NOS1AP: variants seen among roughly 807,000 people sequenced by gnomAD.
NOS1AP encodes nitric oxide synthase 1 adaptor protein.
A neutral mutation model predicts 56.2 loss-of-function variants in NOS1AP; 21 were observed. The observed-to-expected ratio is 0.37, with a 90% CI of 0.26 to 0.54. NOS1AP has a LOEUF of 0.54. Ranked by LOEUF, NOS1AP falls within the 20% of genes least tolerant of loss-of-function variation. The probability of loss-of-function intolerance (pLI) is 0.84; values close to 1 mark genes in which losing one functional copy is unlikely to be tolerated. For missense variants in NOS1AP, 522 were observed against 657.8 expected, an observed-to-expected ratio of 0.79 and a Z score of 2.26; for synonymous variants, 270 against 274.6, an observed-to-expected ratio of 0.98 and a Z score of 0.17.
intron 2 of NOS1AP, among the ~76,000 whole-genome samples, chr1:162,166,812 A>C (rs948406344): frequency 4.6e-5 from 7 of 152,168 alleles, no homozygotes; most frequent in Admixed American, 1.3e-4. Flanking sequence ...CCCAGTGGAC[A>C]CCTGTACCTC....
intron 3 of NOS1AP, among the ~76,000 whole-genome samples, chr1:162,298,892 TA>T (rs1655554862): frequency 6.6e-6 from 1 of 152,174 alleles, no homozygotes; most frequent in Non-Finnish European, 1.5e-5. Context: ...ATATAATAGC[TA>T]AAATAAACTC....
intron 2 of NOS1AP, among the ~76,000 whole-genome samples, chr1:162,198,046 G>T (rs1651865649): frequency 6.6e-6 from 1 of 152,224 alleles, no homozygotes; most frequent in Non-Finnish European, 1.5e-5. Flanking sequence ...GCCCGGCCTG[G>T]CTGTAGGAGG....
intron 2 of NOS1AP, among the ~76,000 whole-genome samples, chr1:162,174,001 T>G (rs1327638923): frequency 1.3e-5 from 2 of 152,150 alleles, no homozygotes; most frequent in Non-Finnish European, 2.9e-5. Context: ...ATCAGTGTGG[T>G]GATTCCTCAG....
intron 1 of NOS1AP, among the ~76,000 whole-genome samples, chr1:162,126,291 C>T (rs1376090087): frequency 6.6e-6 from 1 of 152,156 alleles, no homozygotes; most frequent in Non-Finnish European, 1.5e-5. Context: ...CCTGATTGCT[C>T]TGGCTGGGAC....
Position 162,335,688 on chromosome 1 carries a change from C to T in NOS1AP, c.453+2563C>T, listed in dbSNP as rs16860354. ...AGATGTGGGTGTTCTCCGGAGCCCTCGTGTTGGTCATAGTGTAGAAAAACC... is the reference window on the plus strand; with the variant it reads ...AGATGTGGGTGTTCTCCGGAGCCCTTGTGTTGGTCATAGTGTAGAAAAACC... On this transcript the variant is annotated intron_variant, in intron 5 of 9. Transcript: ENST00000361897. Among the ~76,000 whole-genome samples, 94 of 152,176 alleles carry T rather than the reference C, an allele frequency of 6.2e-4. 1 individual carries two copies. In the East Asian group the frequency reaches 0.012, roughly 19 times the overall value.
In NOS1AP at chr1:162,370,332, G is replaced by A. The variant is rs908163677; in HGVS notation, c.*2865G>A. ...CTTCCTCCTAACCCTCTACCCACTA[G>A]CACTCTACTTCCTAAAGCTGTTGTG... On this transcript the variant is annotated 3_prime_UTR_variant, in exon 10 of 10. Transcript: ENST00000361897. 1.3e-5 allele frequency: 2 copies of A among 152,034 alleles called. No homozygotes were observed. Among genetic ancestry groups the A allele is most frequent in the African/African-American group, 4.8e-5 (2 of 41,358 alleles). The allele number at this position is 152,034 out of a possible 1,614,324, so 9.4% of individuals were successfully genotyped here. A position where few individuals can be genotyped will look rare whatever the true frequency, so the allele number is the denominator to read the frequency against.
At chr1:162,105,519 A>G (rs1220659245) in intron 1 of NOS1AP, among the ~76,000 whole-genome samples, 1 of 152,226 alleles carries the variant, frequency 6.6e-6, no homozygotes. Flanking sequence ...TAAGTCTACC[A>G]AACTGCAGAG....
chr1:162,336,646 G>A (rs1195335641), intron 5 of NOS1AP, among the ~76,000 whole-genome samples: 2 of 152,216 alleles, frequency 1.3e-5, no homozygotes, highest in Non-Finnish European at 2.9e-5. Flanking sequence ...GTGAATCAAT[G>A]ATGCCACTGA....
intron 2 of NOS1AP, among the ~76,000 whole-genome samples, chr1:162,264,489 TCCTCC>T (rs1557855427): frequency 3.8e-4 from 22 of 57,258 alleles, no homozygotes; most frequent in African/African-American, 1.1e-3. Context: ...CCCTCCCCTC[TCCTCC>T]TCTCCTCTCC....
chr1:162,253,745 A>T (rs1051187249), intron 2 of NOS1AP, among the ~76,000 whole-genome samples: 12 of 152,188 alleles, frequency 7.9e-5, no homozygotes, highest in African/African-American at 2.7e-4. Context: ...AAGCAGACTT[A>T]TCTTCTGGGT....
At chr1:162,088,451 G>A (rs926869493) in intron 1 of NOS1AP, among the ~76,000 whole-genome samples, 1 of 152,140 alleles carries the variant, frequency 6.6e-6, no homozygotes, top group African/African-American at 2.4e-5. Flanking sequence ...CTGCTGATGT[G>A]TACACAGAAT....
intron 5 of NOS1AP, among the ~76,000 whole-genome samples, chr1:162,334,717 C>T (rs1368382846): frequency 1.3e-5 from 2 of 152,194 alleles, no homozygotes; most frequent in African/African-American, 4.8e-5. Context: ...TTACAAATAA[C>T]GCATTATCAT....
At chr1:162,302,879 A>AT (rs1192001432) in intron 4 of NOS1AP, among the ~76,000 whole-genome samples, 1 of 152,056 alleles carries the variant, frequency 6.6e-6, no homozygotes, top group African/African-American at 2.4e-5. Context: ...ATGAGTTTGC[A>AT]TTTTCTAGAA....
chr1:162,166,502 C>T (rs182879398), intron 2 of NOS1AP, among the ~76,000 whole-genome samples: 3 of 152,218 alleles, frequency 2.0e-5, no homozygotes, highest in African/African-American at 7.2e-5. Flanking sequence ...AGCCCAACTT[C>T]TGCTTATCTT....
At chr1:162,219,370 C>T (rs1432916787) in intron 2 of NOS1AP, among the ~76,000 whole-genome samples, 1 of 152,136 alleles carries the variant, frequency 6.6e-6, no homozygotes, top group Non-Finnish European at 1.5e-5. Context: ...GCTCCTGTTT[C>T]CATCTTCCTT....
At chr1:162,349,129 G>A (rs1352307806) in intron 6 of NOS1AP, among the ~76,000 whole-genome samples, 1 of 151,978 alleles carries the variant, frequency 6.6e-6, no homozygotes, top group African/African-American at 2.4e-5. Flanking sequence ...GGAGGTTGTG[G>A]TGAGCCGAGA....
chr1:162,242,401 C>T (rs1008584471), intron 2 of NOS1AP, among the ~76,000 whole-genome samples: 12 of 152,202 alleles, frequency 7.9e-5, no homozygotes, highest in Non-Finnish European at 1.6e-4. Context: ...ATGAGGAACA[C>T]TAGCTGCCAA....
chr1:162,285,313 G>A (rs528851612), intron 2 of NOS1AP, among the ~76,000 whole-genome samples: 2 of 152,334 alleles, frequency 1.3e-5, no homozygotes, highest in Admixed American at 1.3e-4. Flanking sequence ...GGAGGTAAAT[G>A]CAGGTGTGGT....
At chr1:162,344,572 G>A (rs555140535) in intron 6 of NOS1AP, among the ~76,000 whole-genome samples, 8 of 152,056 alleles carry the variant, frequency 5.3e-5, no homozygotes, top group East Asian at 1.9e-4. Flanking sequence ...TTAGCCAGGC[G>A]TGGTGGTACA....
Sources: allele counts gnomAD v4.1 joint callset (sites outside exome capture counted in the v4.1 genomes callset), GRCh38; gene constraint gnomAD v4.1.1; transcripts MANE v1.5; gene names NCBI Gene and HGNC (gene_info 2026-07-23, HGNC 2026-07-21).